The following KRT4 variants were observed in gnomAD, a reference collection of about 807,000 sequenced individuals.
KRT4 encodes the protein keratin, type II cytoskeletal 4.
KRT4 carries 47 observed loss-of-function variants against 50.6 expected under a neutral mutation model. The ratio of observed to expected loss-of-function variants is 0.93; its 90% CI spans 0.73 to 1.18. The LOEUF (loss-of-function observed/expected upper bound fraction) is 1.18. KRT4 is among the 50% of genes most tolerant of loss of function. The pLI is 0.00. For missense variants in KRT4, 651 were observed against 645.7 expected (o/e 1.01, Z -0.09); for synonymous variants, 254 against 251.2 (o/e 1.01, Z -0.10).
At chr12:52,813,568 G>A (rs1939948050) in intron 1 of KRT4, 29 bp downstream of exon 1, 1 of 1,593,946 alleles carries the variant, frequency 6.3e-7, no homozygotes, top group Admixed American at 1.7e-5. Flanking sequence ...TCTTCTAACT[G>A]CCCCTCTCCA....
Position 52,810,787 on chromosome 12 carries a change from G to C in KRT4, c.707C>G (p.Ala236Gly). Residue 236 changes from alanine to glycine, a missense_variant, in exon 3 of 9, where the codon GCA becomes GGA. Ala to Gly is a moderately conservative substitution (Grantham distance 60). Transcript: ENST00000551956. ...KYEEEINKRT[A>G]AENDFVVLKK... ...TAGGACCACAAAGTCATTCTCGGCT[G>C]CTGTGCGTTTGTTGATCTCCTCTTC... The C allele has an allele frequency of 6.2e-7, 1 of 1,614,146 alleles. No individual in the cohort carries two copies. The highest frequency in any genetic ancestry group is 8.5e-7 in the Non-Finnish European group (1 of 1,179,988).
chr12:52,814,071 C>T lies in KRT4; in HGVS notation c.-13G>A, dbSNP rs762004946. 97 of 1,613,340 alleles carry T rather than the reference C, an allele frequency of 6.0e-5. No individual in the cohort carries two copies. The highest frequency in any genetic ancestry group is 6.7e-5 in the Non-Finnish European group (79 of 1,179,634). On this transcript the variant is annotated 5_prime_UTR_variant, in exon 1 of 9. Transcript: ENST00000551956. The stretch of plus-strand genomic sequence containing the variant: ...GTCTGGCAATCATGGCTGCAGAGAG[C>T]GAGCTGGGAGCTATCAGAGAAGTGA...
rs748901653 is a variant in KRT4 at position 52,807,073 on chromosome 12, C to T, written c.1559G>A (p.Arg520Gln). 11 of 1,614,124 alleles carry T rather than the reference C, an allele frequency of 6.8e-6. No homozygotes were observed. Among genetic ancestry groups the T allele is most frequent in the East Asian group, 2.2e-5 (1 of 44,874 alleles). The change falls in exon 9 of 9, where the codon CGA becomes CAA. Residue 520 changes from arginine (R) to glutamine (Q), a missense_variant. Coordinates refer to ENST00000551956, the MANE Select transcript of KRT4 (RefSeq NM_002272.4). ...IISTTTLNKRR is the reference protein window; with the variant it reads ...IISTTTLNKRQ Reference sequence around the variant, plus strand: ...GCTGCAGGGACCTCGTCTCCTCTATCGTCTCTTGTTCAGGGTGGTGGTAGA... The same window carrying T: ...GCTGCAGGGACCTCGTCTCCTCTATTGTCTCTTGTTCAGGGTGGTGGTAGA...
At position 52,807,084 on chromosome 12, in the gene KRT4, C is replaced by T. The variant is rs771380415; in HGVS notation, c.1548G>A (p.Leu516=). ...CTCGTCTCCTCTATCGTCTCTTGTT[C>T]AGGGTGGTGGTAGAGATGATCTTGC... The part of the protein sequence containing the change: ...SSSKIISTTT[L]NKRR Residue 516 remains leucine, a synonymous_variant, in exon 9 of 9, where the codon CTG becomes CTA. Transcript: ENST00000551956. The T allele has an allele frequency of 1.9e-6, 3 of 1,614,126 alleles. No individual in the cohort carries two copies. The highest frequency in any genetic ancestry group is 1.7e-6 in the Non-Finnish European group (2 of 1,180,028).
In KRT4 at chr12:52,807,798, G is replaced by A. The variant is rs374654554; in HGVS notation, c.1192C>T (p.His398Tyr). ...QRGENALKDAHSKRVELEAAL... is the reference protein window; with the variant it reads ...QRGENALKDAYSKRVELEAAL... ...GCCTCCAGCTCTACGCGCTTGCTGT[G>A]GGCATCTTTAAGGGCATTCTCACCT... The change falls in exon 7 of 9, where the codon CAC becomes TAC. Residue 398 changes from histidine to tyrosine, a missense_variant. Transcript: ENST00000551956. 3.2e-5 allele frequency: 52 copies of A among 1,614,016 alleles called. No homozygotes were observed. The highest frequency in any genetic ancestry group is 4.4e-5 in the Non-Finnish European group (52 of 1,180,038).
intron 6 of KRT4, 28 bp downstream of exon 6, chr12:52,808,266 G>A: frequency 1.2e-6 from 2 of 1,613,696 alleles, no homozygotes; most frequent in Non-Finnish European, 1.7e-6. Flanking sequence ...CTGGCCTTGT[G>A]CTCCATCTGG....
At chr12:52,808,955 A>G in intron 4 of KRT4, 105 bp from the exon 5 acceptor site, 2 of 1,215,712 alleles carry the variant, frequency 1.6e-6, no homozygotes, top group Non-Finnish European at 2.4e-6. Flanking sequence ...TAGGAAGGGG[A>G]GAGACAGGTA....
At position 52,811,885 on chromosome 12, in the gene KRT4, C is replaced by G; in HGVS notation, c.555G>C (p.Glu185Asp). 6.2e-7 allele frequency: 1 copy of G among 1,614,098 alleles called. No individual in the cohort carries two copies. The highest frequency in any genetic ancestry group is 8.5e-7 in the Non-Finnish European group (1 of 1,180,046). The stretch of plus-strand genomic sequence containing the variant: ...CACTGAGGTAGGTCTCAAAGAGGGG[C>G]TCAAGGTTTTTGCTGGAGGTGGTGG... ...QTTTTSSKNL[E>D]PLFETYLSVL... is the part of the protein sequence containing the mutation. The change falls in exon 2 of 9, where the codon GAG becomes GAC. Residue 185 changes from glutamate (E) to aspartate (D), a missense_variant. Glu to Asp is a conservative substitution (Grantham distance 45). Coordinates refer to ENST00000551956, the MANE Select transcript of KRT4 (RefSeq NM_002272.4).
In KRT4 at chr12:52,811,969, G is replaced by T; in HGVS notation, c.471C>A (p.Phe157Leu). 6.2e-7 allele frequency: 1 copy of T among 1,613,274 alleles called. No homozygotes were observed. Among genetic ancestry groups the T allele is most frequent in the Non-Finnish European group, 8.5e-7 (1 of 1,179,664 alleles). ...CCAGGACCTTATTCTGTTGCTCTAA[G>T]AACTGCACCTGTGTTGATAAAGGCA... is the stretch of plus-strand genomic sequence containing the variant. Reference protein sequence around the residue: ...KFASFIDKVQFLEQQNKVLET... With the variant: ...KFASFIDKVQLLEQQNKVLET... The change falls in exon 2 of 9, where the codon TTC becomes TTA. Residue 157 changes from phenylalanine (F) to leucine (L), a missense_variant. Physicochemically the swap from Phe to Leu is conservative, Grantham distance 22 (BLOSUM62 0). Coordinates refer to ENST00000551956, the MANE Select transcript of KRT4 (RefSeq NM_002272.4).
Position 52,811,743 on chromosome 12 carries a change from C to G in KRT4, c.677+20G>C. Reference sequence around the variant, plus strand: ...TGGGCACATGTGTCAGATGGCGTCCCCTCCTTCCTCCCCATGTACTTAGTC... The same window carrying G: ...TGGGCACATGTGTCAGATGGCGTCCGCTCCTTCCTCCCCATGTACTTAGTC... On this transcript the variant is annotated intron_variant, in intron 2 of 8. Coordinates refer to ENST00000551956, the MANE Select transcript of KRT4 (RefSeq NM_002272.4). 1 of 1,597,938 alleles carries G rather than the reference C, an allele frequency of 6.3e-7. No homozygotes were observed. The highest frequency in any genetic ancestry group is 8.6e-7 in the Non-Finnish European group (1 of 1,166,552).
rs371081693 is a variant in KRT4 at position 52,813,752 on chromosome 12, C to T, written c.307G>A (p.Val103Ile). The change falls in exon 1 of 9, where the codon GTC (valine) becomes ATC (isoleucine). Residue 103 changes from valine (V) to isoleucine (I), a missense_variant. Val to Ile is a conservative substitution (Grantham distance 29). Transcript: ENST00000551956. ...FSGKGGPGFP[V>I]CPAGGIQEVT... is the part of the protein sequence containing the mutation. ...TCCTGAATTCCCCCAGCGGGGCAGA[C>T]GGGGAAGCCAGGGCCACCCTTACCA... 71 of 1,013,500 alleles carry T rather than the reference C, an allele frequency of 7.0e-5. No homozygotes were observed. The highest frequency in any genetic ancestry group is 9.2e-5 in the African/African-American group (2 of 21,806). The allele number at this position is 1,013,500 out of a possible 1,614,324, so 62.8% of individuals were successfully genotyped here. A position where few individuals can be genotyped will look rare whatever the true frequency, so the allele number is the denominator to read the frequency against.
Position 52,806,556 on chromosome 12 carries a change from C to A in KRT4, c.*513G>T, listed in dbSNP as rs1275436194. 1 of 196,244 alleles carries A rather than the reference C, an allele frequency of 5.1e-6. No individual in the cohort carries two copies. The allele number at this position is 196,244 out of a possible 1,614,324, so 12.2% of individuals were successfully genotyped here. A position where few individuals can be genotyped will look rare whatever the true frequency, so the allele number is the denominator to read the frequency against. On this transcript the variant is annotated 3_prime_UTR_variant, in exon 9 of 9. Transcript: ENST00000551956. ...AAAGACCATTGCTCAGAATGAATGA[C>A]AAAAGCATTTTATTGAAGATTCACC... is the stretch of plus-strand genomic sequence containing the variant.
In KRT4 at chr12:52,813,998, T is replaced by C. The variant is rs764171478; in HGVS notation, c.61A>G (p.Ile21Val). The change falls in exon 1 of 9, where the codon ATT becomes GTT. Residue 21 changes from isoleucine (I) to valine (V), a missense_variant. By Grantham distance (29) the Ile-to-Val change is conservative (BLOSUM62 3). Transcript: ENST00000551956. ...GPRGFSCGSA[I>V]VGGGKRGAFS... ...GCACCTCTCTTGCCACCGCCTACAA[T>C]GGCCGAGCCACAGCTGAAGCCCCGG... is the stretch of plus-strand genomic sequence containing the variant. 6 of 1,613,200 alleles carry C rather than the reference T, an allele frequency of 3.7e-6. No homozygotes were observed. The highest frequency in any genetic ancestry group is 4.2e-6 in the Non-Finnish European group (5 of 1,179,810).
chr12:52,813,567 T>G (rs1274985602), intron 1 of KRT4, 30 bp downstream of exon 1: 2 of 1,595,604 alleles, frequency 1.3e-6, no homozygotes, highest in Non-Finnish European at 1.7e-6. Context: ...CTCTTCTAAC[T>G]GCCCCTCTCC....
At chr12:52,811,442 G>A (rs1939908183) in intron 2 of KRT4, 1 of 355,308 alleles carries the variant, frequency 2.8e-6, no homozygotes, top group South Asian at 2.8e-5. Flanking sequence ...GACTCAGTAT[G>A]CAAACCACCT....
chr12:52,807,857 G>C lies in KRT4; in HGVS notation c.1133C>G (p.Thr378Ser). 6.2e-7 allele frequency: 1 copy of C among 1,613,670 alleles called. No homozygotes were observed. The highest frequency in any genetic ancestry group is 8.5e-7 in the Non-Finnish European group (1 of 1,179,992). The change falls in exon 7 of 9, where the codon ACT becomes AGT. Residue 378 changes from threonine (T) to serine (S), a missense_variant. Physicochemically the swap from Thr to Ser is moderately conservative, Grantham distance 58. Transcript: ENST00000551956. ...TGCATCAGCCACGGATACCTGAAGAGTCTGGCACTATTGACAAAGGCATTA... is the reference window on the plus strand; with the variant it reads ...TGCATCAGCCACGGATACCTGAAGACTCTGGCACTATTGACAAAGGCATTA... ...EIENIKKQCQTLQVSVADAEQ... is the reference protein window; with the variant it reads ...EIENIKKQCQSLQVSVADAEQ...
At position 52,808,812 on chromosome 12, in the gene KRT4, G is replaced by A. The variant is rs754647771; in HGVS notation, c.873C>T (p.Ser291=). 1.1e-4 allele frequency: 183 copies of A among 1,614,174 alleles called. No individual in the cohort carries two copies. In the Middle Eastern group the frequency reaches 6.1e-3, roughly 54 times the overall value. Residue 291 remains serine (S), a synonymous_variant, in exon 5 of 9, where the codon TCC becomes TCT. Transcript: ENST00000551956. ...GGTTGTTGTCCATGGAAAGGACCAC[G>A]GACGTGTCGCTGACATGGGTCTGCA... ...SQMQTHVSDT[S]VVLSMDNNRN...
In KRT4 at chr12:52,813,516, G is replaced by A; in HGVS notation, c.462+81C>T. On this transcript the variant is annotated intron_variant, in intron 1 of 8. Coordinates refer to ENST00000551956, the MANE Select transcript of KRT4 (RefSeq NM_002272.4). ...AAGTTCAGTGGTCTCCCCAGCACCT[G>A]TGGCAGGCTCAGGTCTGAGACCCCA... is the stretch of plus-strand genomic sequence containing the variant. The A allele has an allele frequency of 3.9e-6, 5 of 1,271,514 alleles. No homozygotes were observed. In the South Asian group the frequency reaches 4.8e-5, roughly 12 times the overall value. 78.8% of individuals were successfully genotyped at this position (1,271,514 alleles called of 1,614,324 possible). A position where few individuals can be genotyped will look rare whatever the true frequency, so the allele number is the denominator to read the frequency against.
chr12:52,808,290 C>A lies in KRT4; in HGVS notation c.1125+4G>T. ...TGCTCCATCTGGAAGGGAGTGACACCCACCTGCTTCTTGATGTTCTCGATC... is the reference window on the plus strand; with the variant it reads ...TGCTCCATCTGGAAGGGAGTGACACACACCTGCTTCTTGATGTTCTCGATC... On this transcript the variant is annotated splice_donor_region_variant and intron_variant, in intron 6 of 8. Coordinates refer to ENST00000551956, the MANE Select transcript of KRT4 (RefSeq NM_002272.4). 1 of 1,614,028 alleles carries A rather than the reference C, an allele frequency of 6.2e-7. No individual in the cohort carries two copies. Among genetic ancestry groups the A allele is most frequent in the South Asian group, 1.1e-5 (1 of 91,074 alleles).
Sources: gnomAD v4.1 joint callset for allele counts on GRCh38, gnomAD v4.1.1 for gene constraint, MANE v1.5 for transcripts, NCBI Gene and HGNC (gene_info 2026-07-23, HGNC 2026-07-21) for gene names.